Variants in RCC1 observed in about 807,000 individuals in gnomAD.
The protein encoded by RCC1 is regulator of chromosome condensation.
Under a neutral mutation model 44.4 loss-of-function variants are expected in RCC1, and 11 were observed. The ratio of observed to expected loss-of-function variants is 0.25; its 90% CI spans 0.16 to 0.41. The LOEUF is 0.41. Among genes scored for constraint, RCC1 ranks in the 10% least tolerant of loss-of-function variants. The pLI is 1.00. For synonymous variants in RCC1, 213 were observed against 216.5 expected (o/e 0.98, Z 0.14); for missense variants, 386 against 547.1 (o/e 0.71, Z 2.94).
intron 3 of RCC1, among the ~76,000 whole-genome samples, chr1:28,515,855 T>A (rs1300194952): frequency 2.0e-5 from 3 of 151,878 alleles, no homozygotes; most frequent in Non-Finnish European, 2.9e-5. Flanking sequence ...CAGACCAGCC[T>A]GGCAAAAATG....
chr1:28,509,878 C>T (rs1662373104), intron 3 of RCC1: 1 of 152,168 alleles, frequency 6.6e-6, no homozygotes, highest in Admixed American at 6.6e-5. Context: ...CTTTAGCTTC[C>T]TGCAGTGTAG....
intron 7 of RCC1, among the ~76,000 whole-genome samples, chr1:28,533,253 C>T (rs1039444741): frequency 2.0e-5 from 3 of 151,892 alleles, no homozygotes; most frequent in Admixed American, 1.3e-4. Flanking sequence ...GGGCAGATCA[C>T]GACGTCAGGA....
chr1:28,531,330 G>A (rs1478059443), intron 5 of RCC1, among the ~76,000 whole-genome samples: 2 of 140,728 alleles, frequency 1.4e-5, no homozygotes, highest in African/African-American at 2.7e-5. Flanking sequence ...GCAGTGGCAC[G>A]ATCTTGGCTC....
At chr1:28,528,110 A>T (rs1247364323) in intron 4 of RCC1, among the ~76,000 whole-genome samples, 1 of 152,026 alleles carries the variant, frequency 6.6e-6, no homozygotes, top group East Asian at 1.9e-4. Flanking sequence ...ACTTGAGATT[A>T]GGAGTTTGGG....
At position 28,538,256 on chromosome 1, in the gene RCC1, C is replaced by T. The variant is rs932609849; in HGVS notation, c.*249C>T. 5.4e-6 allele frequency: 2 copies of T among 368,482 alleles called. No homozygotes were observed. The highest frequency in any genetic ancestry group is 9.8e-6 in the Non-Finnish European group (2 of 204,148). The allele number at this position is 368,482 out of a possible 1,614,324, so 22.8% of individuals were successfully genotyped here. On this transcript the variant is annotated 3_prime_UTR_variant, in exon 13 of 13. Coordinates refer to ENST00000683442, the MANE Select transcript of RCC1 (RefSeq NM_001381865.2). ...CAAAAGGAACATGGCTCACTCAGAG[C>T]TATATGGTTAGACGTTTCTCCCCTT...
chr1:28,507,161 C>T (rs1662021713), intron 1 of RCC1: 1 of 318,680 alleles, frequency 3.1e-6, no homozygotes, highest in African/African-American at 2.2e-5. Flanking sequence ...TCTGCGGTAC[C>T]TTCCACATAG....
intron 4 of RCC1, chr1:28,518,526 G>C (rs1316379533): frequency 6.7e-6 from 1 of 148,672 alleles, no homozygotes; most frequent in African/African-American, 2.5e-5. Context: ...GCTGGGCGCT[G>C]CCTCGCTGGA....
chr1:28,523,314 C>T (rs958605203), intron 4 of RCC1, among the ~76,000 whole-genome samples: 2 of 152,042 alleles, frequency 1.3e-5, no homozygotes, highest in African/African-American at 2.4e-5. Flanking sequence ...CCACCGCGCC[C>T]GGCCAGAAGA....
At chr1:28,528,450 A>G (rs10915210) in intron 4 of RCC1, among the ~76,000 whole-genome samples, 42,291 of 152,000 alleles carry the variant, frequency 0.28, 6,031 homozygotes, top group Middle Eastern at 0.35. Context: ...ACGAGACTCC[A>G]TTTCAAAAAA....
In RCC1 at chr1:28,536,724, C is replaced by G. The variant is rs749419092; in HGVS notation, c.938-23C>G. The G allele has an allele frequency of 1.2e-5, 20 of 1,612,398 alleles. No homozygotes were observed. The South Asian group carries it at 2.0e-4, about 16-fold the overall frequency. ...CTGTAGCACGCCCTCTGCTATTGCT[C>G]ATCTCTCTCCCTCCTCCCATAGGAA... On this transcript the variant is annotated intron_variant, in intron 11 of 12. Transcript: ENST00000683442. This position sits in a 1 kb window ranked among gnomAD's most constrained non-coding sequence, Gnocchi z 4.9.
intron 9 of RCC1, 153 bp from the exon 10 acceptor site, chr1:28,535,718 C>T: frequency 1.1e-6 from 1 of 882,360 alleles, no homozygotes; most frequent in Admixed American, 2.0e-5. Flanking sequence ...CACTTGTATT[C>T]TCTTGATCTC....
chr1:28,515,875 G>A (rs552750180), intron 3 of RCC1, among the ~76,000 whole-genome samples: 5 of 151,088 alleles, frequency 3.3e-5, no homozygotes, highest in African/African-American at 7.3e-5. Flanking sequence ...GGTGAAACCC[G>A]GTCTCTACTA....
chr1:28,518,968 C>G (rs1218245899), intron 4 of RCC1: 1 of 152,260 alleles, frequency 6.6e-6, no homozygotes, highest in Admixed American at 6.5e-5. Context: ...GCAAGTCATT[C>G]ATACGTCACA....
chr1:28,538,945 C>G lies in RCC1; in HGVS notation c.*938C>G, dbSNP rs766814879. ...ATTGTAAAATATTTTGGAGGGAGAA[C>G]AAAATCTTTTAACATTTTGAATAAA... On this transcript the variant is annotated 3_prime_UTR_variant, in exon 13 of 13. Coordinates refer to ENST00000683442, the MANE Select transcript of RCC1 (RefSeq NM_001381865.2). 3 of 152,076 alleles carry G rather than the reference C, an allele frequency of 2.0e-5. No homozygotes were observed. The highest frequency in any genetic ancestry group is 4.4e-5 in the Non-Finnish European group (3 of 68,018). The allele number at this position is 152,076 out of a possible 1,614,324, so 9.4% of individuals were successfully genotyped here.
At chr1:28,511,584 A>ACT (rs1241604717) in intron 3 of RCC1, among the ~76,000 whole-genome samples, 1 of 150,430 alleles carries the variant, frequency 6.6e-6, no homozygotes, top group African/African-American at 2.4e-5. Flanking sequence ...TTAGCCAGGA[A>ACT]GGTCTCCATC....
At chr1:28,506,843 A>C (rs1661984997) in intron 1 of RCC1, 1 of 158,408 alleles carries the variant, frequency 6.3e-6, no homozygotes, top group Admixed American at 6.1e-5. Flanking sequence ...CTGGGACTAC[A>C]GGCGTGTACC....
In RCC1 at chr1:28,536,458, T is replaced by C; in HGVS notation, c.937+77T>C. Reference sequence around the variant, plus strand: ...AGGCCTAGCCAGATTCCTGAGACCATGGTCCTTGGAGCCTGGGTCTGTTCC... The same window carrying C: ...AGGCCTAGCCAGATTCCTGAGACCACGGTCCTTGGAGCCTGGGTCTGTTCC... On this transcript the variant is annotated intron_variant, in intron 11 of 12. Coordinates refer to ENST00000683442, the MANE Select transcript of RCC1 (RefSeq NM_001381865.2). This position sits in a 1 kb window ranked among gnomAD's most constrained non-coding sequence, Gnocchi z 4.9. 1 of 1,535,814 alleles carries C rather than the reference T, an allele frequency of 6.5e-7. No individual in the cohort carries two copies. The highest frequency in any genetic ancestry group is 1.2e-5 in the South Asian group (1 of 81,588).
chr1:28,520,816 G>A (rs909934187), intron 4 of RCC1, among the ~76,000 whole-genome samples: 10 of 152,268 alleles, frequency 6.6e-5, no homozygotes, highest in Admixed American at 2.0e-4. Flanking sequence ...GGTGGCTCAC[G>A]ACTGTAACCC....
At position 28,536,211 on chromosome 1, in the gene RCC1, G is replaced by T; in HGVS notation, c.818-51G>T. 6.2e-7 allele frequency: 1 copy of T among 1,600,220 alleles called. No individual in the cohort carries two copies. The highest frequency in any genetic ancestry group is 1.1e-5 in the South Asian group (1 of 88,284). On this transcript the variant is annotated intron_variant, in intron 10 of 12. Coordinates refer to ENST00000683442, the MANE Select transcript of RCC1 (RefSeq NM_001381865.2). The surrounding 1 kb of genome is among the most constrained non-coding windows in gnomAD (Gnocchi z 4.9). ...CCTCACTGTGGGAGGAGATTGAGAA[G>T]GGCAGCTCTCAGAACACCTTCACCC... is the stretch of plus-strand genomic sequence containing the variant.
Sources: allele counts gnomAD v4.1 joint callset (sites outside exome capture counted in the v4.1 genomes callset), GRCh38; gene constraint gnomAD v4.1.1; non-coding constraint Gnocchi (gnomAD v3.1); transcripts MANE v1.5; gene names NCBI Gene and HGNC (gene_info 2026-07-23, HGNC 2026-07-21).